Variants in DROSHA observed in about 807,000 individuals in gnomAD.
DROSHA encodes drosha ribonuclease III.
In DROSHA, 56 loss-of-function variants were observed where a neutral mutation model predicts 181.9. The ratio of observed to expected loss-of-function variants is 0.31; its 90% CI spans 0.25 to 0.38. DROSHA has a LOEUF of 0.38. Among genes scored for constraint, DROSHA ranks in the 10% least tolerant of loss-of-function variants. DROSHA has a pLI of 1.00. For missense variants in DROSHA, 1,218 were observed against 1,743.5 expected, an observed-to-expected ratio of 0.70 and a Z score of 5.37; for synonymous variants, 524 against 591.2, an observed-to-expected ratio of 0.89 and a Z score of 1.65.
chr5:31,526,532 C>T lies in DROSHA; in HGVS notation c.401G>A (p.Gly134Glu), dbSNP rs1160380873. ...GAAAGTGCCTTGTCCAGGAGGTGCC[C>T]CAGGGACTGGGGGGTTATTAGGACA... is the stretch of plus-strand genomic sequence containing the variant. ...MPCPNNPPVP[G>E]APPGQGTFPF... Residue 134 changes from glycine to glutamate, a missense_variant, in exon 5 of 36, where the codon GGG becomes GAG. Physicochemically the swap from Gly to Glu is moderately conservative, Grantham distance 98. Coordinates refer to ENST00000344624, the MANE Select transcript of DROSHA (RefSeq NM_001382508.1). 1 of 1,564,594 alleles carries T rather than the reference C, an allele frequency of 6.4e-7. No individual in the cohort carries two copies. The highest frequency in any genetic ancestry group is 8.7e-7 in the Non-Finnish European group (1 of 1,154,988).
intron 9 of DROSHA, among the ~76,000 whole-genome samples, chr5:31,510,063 A>G (rs112698331): frequency 7.1e-6 from 1 of 139,866 alleles, no homozygotes; most frequent in Non-Finnish European, 1.6e-5. Context: ...AAAAAAAAAA[A>G]AACAGACCTA....
chr5:31,479,700 G>C (rs9292429), intron 16 of DROSHA, among the ~76,000 whole-genome samples: 3,880 of 152,014 alleles, frequency 0.026, 162 homozygotes, highest in African/African-American at 0.089. Context: ...ATATATTCAT[G>C]ACATTTATAT....
chr5:31,422,778 T>C lies in DROSHA; in HGVS notation c.3419+9A>G, dbSNP rs368160941. The C allele has an allele frequency of 6.2e-7, 1 of 1,613,502 alleles. No homozygotes were observed. The highest frequency in any genetic ancestry group is 1.7e-4 in the Middle Eastern group (1 of 6,054). On this transcript the variant is annotated intron_variant, in intron 29 of 35. Transcript: ENST00000344624. ...TCACATTGGGACTACATGAGAACTT[T>C]TAACTCACAGGGTCAGATGGTTAAA...
intron 14 of DROSHA, among the ~76,000 whole-genome samples, chr5:31,485,409 G>A (rs1254073404): frequency 8.0e-6 from 1 of 124,258 alleles, no homozygotes; most frequent in East Asian, 2.5e-4. Context: ...AGTTCAAAAA[G>A]TAATGAATGC....
At position 31,447,979 on chromosome 5, in the gene DROSHA, T is replaced by C. The variant is rs77173067; in HGVS notation, c.2882+568A>G. On this transcript the variant is annotated intron_variant, in intron 23 of 35. Transcript: ENST00000344624. ...TAAAAGGTTAAACAGAGTTACCATA[T>C]GACCCAGCAATTCTACTCCTAAGTA... 0.022 allele frequency among the ~76,000 whole-genome samples: 3,299 copies of C among 152,286 alleles called. 191 individuals carry two copies. The East Asian group carries it at 0.22, about 10-fold the overall frequency.
chr5:31,498,660 C>T (rs1176341507), intron 11 of DROSHA, among the ~76,000 whole-genome samples: 3 of 151,942 alleles, frequency 2.0e-5, no homozygotes, highest in Non-Finnish European at 4.4e-5. Context: ...GAGTTCAAGA[C>T]CAGCCTGACC....
At chr5:31,510,014 T>C (rs1738480385) in intron 9 of DROSHA, among the ~76,000 whole-genome samples, 1 of 140,372 alleles carries the variant, frequency 7.1e-6, no homozygotes, top group Admixed American at 7.5e-5. Context: ...ATAGTTAAGA[T>C]GGTAAATTTT....
At chr5:31,508,799 A>T (rs1738302476) in intron 9 of DROSHA, 24 bp from the exon 10 acceptor site, 2 of 1,593,424 alleles carry the variant, frequency 1.3e-6, no homozygotes, top group Non-Finnish European at 1.7e-6. Context: ...GGAGAAAAAT[A>T]CAGAAATTGA....
At position 31,408,951 on chromosome 5, in the gene DROSHA, C is replaced by T. The variant is rs898176570; in HGVS notation, c.3854+105G>A. The stretch of plus-strand genomic sequence containing the variant: ...ACAGCCAAGAAGTCTCAATCCTGGG[C>T]TCCTGTCATGATCACCCCACAATGA... On this transcript the variant is annotated intron_variant, in intron 33 of 35. Transcript: ENST00000344624. The T allele has an allele frequency of 3.8e-6, 4 of 1,045,542 alleles. No individual in the cohort carries two copies. The African/African-American group carries it at 4.8e-5, about 13-fold the overall frequency. The allele number at this position is 1,045,542 out of a possible 1,614,324, so 64.8% of individuals were successfully genotyped here.
chr5:31,501,083 T>C (rs546816054), intron 11 of DROSHA, among the ~76,000 whole-genome samples: 4 of 152,074 alleles, frequency 2.6e-5, no homozygotes, highest in Non-Finnish European at 5.9e-5. Context: ...TGTAACAAAA[T>C]AACAGCCCTG....
At chr5:31,431,332 TCAGACAC>T (rs1744147362) in intron 26 of DROSHA, among the ~76,000 whole-genome samples, 1 of 114,686 alleles carries the variant, frequency 8.7e-6, no homozygotes, top group African/African-American at 3.4e-5. Context: ...CTACATGACA[TCAGACAC>T]CAGACACCAA....
In DROSHA at chr5:31,519,876, CTCTA is replaced by C. The variant is rs775891135; in HGVS notation, c.947+1243_947+1246del. 2.0e-4 allele frequency among the ~76,000 whole-genome samples: 31 copies of C among 152,312 alleles called. No homozygotes were observed. The East Asian group carries it at 5.6e-3, about 27-fold the overall frequency. On this transcript the variant is annotated intron_variant, in intron 6 of 35. Coordinates refer to ENST00000344624, the MANE Select transcript of DROSHA (RefSeq NM_001382508.1). ...TCTATCCATGCAGTCTTGGAATAAA[CTCTA>C]TCTGTTATTTTAACAAACTACTGAA...
chr5:31,496,480 A>G (rs1752989889), intron 11 of DROSHA, among the ~76,000 whole-genome samples: 1 of 152,238 alleles, frequency 6.6e-6, no homozygotes, highest in Admixed American at 6.5e-5. Flanking sequence ...TGGCCTATAC[A>G]GGGCTCTCCC....
chr5:31,472,346 A>G (rs1409495734), intron 16 of DROSHA, 114 bp from the exon 17 acceptor site: 8 of 1,245,266 alleles, frequency 6.4e-6, no homozygotes, highest in African/African-American at 3.0e-5. Flanking sequence ...GAGCACATAC[A>G]AAAAGGTAAT....
Position 31,529,102 on chromosome 5 carries a change from A to G in DROSHA, c.-43T>C. 1 of 1,607,162 alleles carries G rather than the reference A, an allele frequency of 6.2e-7. No homozygotes were observed. The highest frequency in any genetic ancestry group is 8.5e-7 in the Non-Finnish European group (1 of 1,176,916). ...TGTCACATCTTCCACAGAGAATATA[A>G]GCTCTAAAAAACAGAAAGAATAAAA... On this transcript the variant is annotated 5_prime_UTR_variant, in exon 4 of 36. Transcript: ENST00000344624.
intron 23 of DROSHA, among the ~76,000 whole-genome samples, chr5:31,440,333 G>C (rs150619590): frequency 4.6e-4 from 70 of 152,278 alleles, no homozygotes; most frequent in African/African-American, 1.6e-3. Flanking sequence ...ATGTGTGCCA[G>C]TTTAATTTCC....
At chr5:31,525,159 C>A (rs986298294) in intron 5 of DROSHA, among the ~76,000 whole-genome samples, 1 of 151,786 alleles carries the variant, frequency 6.6e-6, no homozygotes, top group Non-Finnish European at 1.5e-5. Context: ...GGCAAAACCC[C>A]GTCTCTACTA....
intron 8 of DROSHA, among the ~76,000 whole-genome samples, chr5:31,512,220 T>C (rs949046909): frequency 3.9e-5 from 6 of 152,188 alleles, no homozygotes; most frequent in Non-Finnish European, 7.3e-5. Context: ...CCCCATCTCA[T>C]TGTTGGGAGT....
intron 11 of DROSHA, among the ~76,000 whole-genome samples, chr5:31,501,357 C>T (rs1338326006): frequency 6.6e-6 from 1 of 152,030 alleles, no homozygotes; most frequent in Non-Finnish European, 1.5e-5. Flanking sequence ...CTTGAATGTA[C>T]ACTAGAATTG....
Sources: gnomAD v4.1 joint callset for allele counts (sites outside exome capture counted in the v4.1 genomes callset) on GRCh38, gnomAD v4.1.1 for gene constraint, MANE v1.5 for transcripts, NCBI Gene and HGNC (gene_info 2026-07-23, HGNC 2026-07-21) for gene names.